Variants in PCDHGB6 observed in about 807,000 individuals in gnomAD.
PCDHGB6 encodes protocadherin gamma-B6.
In PCDHGB6, 51 loss-of-function variants were observed where a neutral mutation model predicts 59.1. The ratio of observed to expected loss-of-function variants is 0.86; its 90% CI spans 0.69 to 1.09. The LOEUF is 1.09. Ranked by LOEUF, PCDHGB6 falls within the 50% of genes least tolerant of loss-of-function variation. The probability of loss-of-function intolerance (pLI) is 0.00; values close to 1 mark genes in which losing one functional copy is unlikely to be tolerated. For synonymous variants in PCDHGB6, 466 were observed against 495.1 expected (o/e 0.94, Z 0.78); for missense variants, 1,148 against 1,205.1 (o/e 0.95, Z 0.70).
chr5:141,410,158 G>T lies in PCDHGB6; in HGVS notation c.1956G>T (p.Pro652=), dbSNP rs755466762. ...TCGCTGTGCGTGACGGTGGACAGCC[G>T]CCACTCTCTGCCACCGCCACGCTTC... The part of the protein sequence containing the change: ...LLVAVRDGGQ[P]PLSATATLHL... Residue 652 remains proline (P), a synonymous_variant, in exon 1 of 4, where the codon CCG becomes CCT. Coordinates refer to ENST00000520790, the MANE Select transcript of PCDHGB6 (RefSeq NM_018926.3). 2 of 1,613,516 alleles carry T rather than the reference G, an allele frequency of 1.2e-6. No individual in the cohort carries two copies. The highest frequency in any genetic ancestry group is 8.5e-7 in the Non-Finnish European group (1 of 1,179,764).
chr5:141,450,085 C>T (rs997781052), intron 1 of PCDHGB6, among the ~76,000 whole-genome samples: 3 of 149,208 alleles, frequency 2.0e-5, no homozygotes, highest in Non-Finnish European at 4.4e-5. Context: ...TGGCTCACTG[C>T]AACCTCCGCC....
rs756658304 is a variant in PCDHGB6, at chr5:141,485,531, G to C, written c.2419-9276G>C. 6.8e-6 allele frequency: 11 copies of C among 1,614,218 alleles called. No homozygotes were observed. In the Admixed American group the frequency reaches 1.5e-4, roughly 22 times the overall value. On this transcript the variant is annotated intron_variant, in intron 1 of 3. Transcript: ENST00000520790. This position sits in a 1 kb window ranked among gnomAD's most constrained non-coding sequence, Gnocchi z 5.7. ...AGGTCCTTTGGAAATGTACCGAGCA[G>C]AGGTAGAGATCGTAGATGTGAATGA... is the stretch of plus-strand genomic sequence containing the variant.
intron 1 of PCDHGB6, chr5:141,419,144 A>G: frequency 6.2e-7 from 1 of 1,613,940 alleles, no homozygotes; most frequent in South Asian, 1.1e-5. Context: ...AGACAGGGGC[A>G]AGCCTCCGTT....
At position 141,428,173 on chromosome 5, in the gene PCDHGB6, C is replaced by T. The variant is rs192741775; in HGVS notation, c.2418+17553C>T. The T allele has an allele frequency of 3.3e-6, 5 of 1,514,730 alleles. No homozygotes were observed. In the East Asian group the frequency reaches 9.1e-5, roughly 28 times the overall value. 93.8% of individuals were successfully genotyped at this position (1,514,730 alleles called of 1,614,324 possible). A position where few individuals can be genotyped will look rare whatever the true frequency, so the allele number is the denominator to read the frequency against. On this transcript the variant is annotated intron_variant, in intron 1 of 3. Transcript: ENST00000520790. ...GGAACCTGCTGGTTGCTGTGCGTGA[C>T]GGAGGACAGCCGCCGCTCTCTGCGC... is the stretch of plus-strand genomic sequence containing the variant.
intron 2 of PCDHGB6, among the ~76,000 whole-genome samples, chr5:141,500,469 A>G (rs917974103): frequency 1.3e-5 from 2 of 152,052 alleles, no homozygotes; most frequent in East Asian, 1.9e-4. Context: ...TCGGCCTCCC[A>G]AAGTGCTGGG....
intron 1 of PCDHGB6, chr5:141,430,641 T>G: frequency 1.1e-6 from 1 of 902,670 alleles, no homozygotes. Context: ...TCCCTGGGAG[T>G]ATGTGGAAAC....
intron 1 of PCDHGB6, chr5:141,422,864 AC>A (rs2096680510): frequency 1.9e-6 from 3 of 1,614,190 alleles, no homozygotes; most frequent in Non-Finnish European, 2.5e-6. Flanking sequence ...CTCAGCAGCA[AC>A]GTGTCGCTGA....
chr5:141,470,837 G>A (rs932315417), intron 1 of PCDHGB6, among the ~76,000 whole-genome samples: 4 of 151,948 alleles, frequency 2.6e-5, no homozygotes, highest in Non-Finnish European at 4.4e-5. Flanking sequence ...ACAAACACAC[G>A]CCACCATGCT....
chr5:141,470,718 G>A (rs916720866), intron 1 of PCDHGB6, among the ~76,000 whole-genome samples: 2 of 152,022 alleles, frequency 1.3e-5, no homozygotes, highest in Non-Finnish European at 2.9e-5. Flanking sequence ...ATTTTTTTGA[G>A]TCAGGGTCTT....
intron 1 of PCDHGB6, chr5:141,424,789 A>T (rs538504226): frequency 2.0e-5 from 3 of 152,238 alleles, no homozygotes; most frequent in African/African-American, 7.2e-5. Flanking sequence ...CAGTTCTTTT[A>T]TTCAGACCAA....
chr5:141,433,304 C>T, intron 1 of PCDHGB6: 1 of 932,004 alleles, frequency 1.1e-6, no homozygotes, highest in Non-Finnish European at 1.6e-6. Context: ...AGCAATTATC[C>T]CACCTTTGCC....
intron 1 of PCDHGB6, chr5:141,415,347 C>T (rs1369709460): frequency 1.9e-6 from 3 of 1,614,120 alleles, no homozygotes; most frequent in Non-Finnish European, 2.5e-6. Context: ...GGCGCTGGCA[C>T]AAGTCACGCC....
Position 141,490,772 on chromosome 5 carries a change from C to T in PCDHGB6, c.2419-4035C>T. ...GCCTCCTCCTTTGTGTATGTCAACC[C>T]AGAGGATGGACGGATCTTTGCCCAG... On this transcript the variant is annotated intron_variant, in intron 1 of 3. Coordinates refer to ENST00000520790, the MANE Select transcript of PCDHGB6 (RefSeq NM_018926.3). This position sits in a 1 kb window ranked among gnomAD's most constrained non-coding sequence, Gnocchi z 5.4. 6.2e-7 allele frequency: 1 copy of T among 1,614,164 alleles called. No homozygotes were observed. The highest frequency in any genetic ancestry group is 1.1e-5 in the South Asian group (1 of 91,082).
Position 141,409,285 on chromosome 5 carries a change from T to G in PCDHGB6, c.1083T>G (p.Pro361=), listed in dbSNP as rs773096828. 1 of 1,613,966 alleles carries G rather than the reference T, an allele frequency of 6.2e-7. No homozygotes were observed. The highest frequency in any genetic ancestry group is 1.1e-5 in the South Asian group (1 of 91,078). The change falls in exon 1 of 4, where the codon CCT becomes CCG. Residue 361 remains proline (P), a synonymous_variant. Transcript: ENST00000520790. ...CTGATCAGATTTTGGAGAATTCACC[T>G]CCAGGAATGGTTGTTGCCCTCTTCA... ...SLSDQILENS[P]PGMVVALFKT...
rs1372368815 is a variant in PCDHGB6 at position 141,491,370 on chromosome 5, C to T, written c.2419-3437C>T. 3 of 1,614,038 alleles carry T rather than the reference C, an allele frequency of 1.9e-6. No individual in the cohort carries two copies. The highest frequency in any genetic ancestry group is 2.2e-5 in the East Asian group (1 of 44,880). ...GTCTCTTATCCCTAGTCACCTTCAC[C>T]TTTCTGTCAGCGAAGTGCCTTCAGG... On this transcript the variant is annotated intron_variant, in intron 1 of 3. Transcript: ENST00000520790. The surrounding 1 kb of genome is among the most constrained non-coding windows in gnomAD (Gnocchi z 6.9).
At chr5:141,478,891 A>G (rs1045274228) in intron 1 of PCDHGB6, 10 of 1,122,064 alleles carry the variant, frequency 8.9e-6, no homozygotes, top group Admixed American at 3.1e-5. Context: ...TATCATTTAC[A>G]TTAGGAATAA....
Position 141,431,352 on chromosome 5 carries a change from G to C in PCDHGB6, c.2418+20732G>C. Reference sequence around the variant, plus strand: ...AAGTACCCCGAATTGGTGCTGAAACGCGCCCTGGACCGCGAAGAAAAGGCT... The same window carrying C: ...AAGTACCCCGAATTGGTGCTGAAACCCGCCCTGGACCGCGAAGAAAAGGCT... On this transcript the variant is annotated intron_variant, in intron 1 of 3. Coordinates refer to ENST00000520790, the MANE Select transcript of PCDHGB6 (RefSeq NM_018926.3). This position sits in a 1 kb window ranked among gnomAD's most constrained non-coding sequence, Gnocchi z 4.8. The C allele has an allele frequency of 6.2e-7, 1 of 1,614,044 alleles. No individual in the cohort carries two copies. The highest frequency in any genetic ancestry group is 8.5e-7 in the Non-Finnish European group (1 of 1,180,032).
chr5:141,450,755 G>A (rs556795021), intron 1 of PCDHGB6, among the ~76,000 whole-genome samples: 8 of 152,040 alleles, frequency 5.3e-5, no homozygotes, highest in Admixed American at 1.3e-4. Context: ...CCAAAGTGCC[G>A]GGATTACAGG....
chr5:141,435,591 T>G (rs1197622032), intron 1 of PCDHGB6, among the ~76,000 whole-genome samples: 1 of 152,206 alleles, frequency 6.6e-6, no homozygotes, highest in Admixed American at 6.5e-5. Flanking sequence ...TGCAGTAATA[T>G]CGCCTGCTTT....
Sources: allele counts gnomAD v4.1 joint callset (sites outside exome capture counted in the v4.1 genomes callset), GRCh38; gene constraint gnomAD v4.1.1; non-coding constraint Gnocchi (gnomAD v3.1); transcripts MANE v1.5; gene names NCBI Gene and HGNC (gene_info 2026-07-23, HGNC 2026-07-21).